Variants in ADAMTS14 observed in about 807,000 individuals in gnomAD.
ADAMTS14 encodes the protein ADAM metallopeptidase with thrombospondin type 1 motif 14, also known as A disintegrin and metalloproteinase with thrombospondin motifs 14.
Under a neutral mutation model 128.6 loss-of-function variants are expected in ADAMTS14, and 100 were observed. The observed-to-expected ratio is 0.78, with a 90% confidence interval of 0.66 to 0.92. The LOEUF is 0.92. ADAMTS14 is among the 40% of genes least tolerant of loss of function. The probability of loss-of-function intolerance (pLI) is 0.00; values close to 1 mark genes in which losing one functional copy is unlikely to be tolerated. For missense variants in ADAMTS14, 1,562 were observed against 1,658.6 expected (o/e 0.94, Z 1.01); for synonymous variants, 665 against 653.8 (o/e 1.02, Z -0.26).
At chr10:70,741,554 G>A (rs10823608) in intron 12 of ADAMTS14, among the ~76,000 whole-genome samples, 67,316 of 152,054 alleles carry the variant, frequency 0.44, 15,687 homozygotes, top group East Asian at 0.7. Context: ...AGGTGCAGGC[G>A]CCCTTCCCGT....
At chr10:70,693,988 A>G (rs1235111620) in intron 2 of ADAMTS14, among the ~76,000 whole-genome samples, 1 of 152,228 alleles carries the variant, frequency 6.6e-6, no homozygotes, top group Non-Finnish European at 1.5e-5. Flanking sequence ...CCCATCCTCC[A>G]AGAGCTCCTT....
At position 70,672,859 on chromosome 10, in the gene ADAMTS14, C is replaced by T. The variant is rs759323303; in HGVS notation, c.57C>T (p.Cys19=). 14 of 1,504,032 alleles carry T rather than the reference C, an allele frequency of 9.3e-6. 1 individual carries two copies. The South Asian group carries it at 1.5e-4, about 16-fold the overall frequency. 93.2% of individuals were successfully genotyped at this position (1,504,032 alleles called of 1,614,324 possible). The change falls in exon 1 of 22, where the codon TGC becomes TGT. Residue 19 remains cysteine (C), a synonymous_variant. Transcript: ENST00000373207. ...TGCTGCCTTTGCACTGTGCGCTCTG[C>T]GCCGCCGCGGGCAGCCGGACCCCAG... ...SYLLPLHCAL[C]AAAGSRTPEL...
At chr10:70,718,478 C>T (rs572537226) in intron 4 of ADAMTS14, among the ~76,000 whole-genome samples, 13 of 150,836 alleles carry the variant, frequency 8.6e-5, no homozygotes, top group South Asian at 2.1e-4. Context: ...ACCTCCGTCT[C>T]GCAGGTTCAA....
chr10:70,734,114 C>A lies in ADAMTS14; in HGVS notation c.1352+86C>A. The A allele has an allele frequency of 2.6e-6, 4 of 1,532,688 alleles. No homozygotes were observed. In the South Asian group the frequency reaches 4.9e-5, roughly 19 times the overall value. The allele number at this position is 1,532,688 out of a possible 1,614,324, so 94.9% of individuals were successfully genotyped here. A position where few individuals can be genotyped will look rare whatever the true frequency, so the allele number is the denominator to read the frequency against. On this transcript the variant is annotated intron_variant, in intron 8 of 21. Coordinates refer to ENST00000373207, the MANE Select transcript of ADAMTS14 (RefSeq NM_080722.4). ...GACATCACACAGCTGGCTGGCTTCCCCACGTTGCCCCTGGCTTGACTCTTC... is the reference window on the plus strand; with the variant it reads ...GACATCACACAGCTGGCTGGCTTCCACACGTTGCCCCTGGCTTGACTCTTC...
chr10:70,710,791 C>T (rs1329089309), intron 4 of ADAMTS14, among the ~76,000 whole-genome samples: 5 of 152,176 alleles, frequency 3.3e-5, no homozygotes, highest in African/African-American at 7.2e-5. Context: ...GCAGAGCATG[C>T]GCTGTCAGTG....
intron 3 of ADAMTS14, among the ~76,000 whole-genome samples, chr10:70,702,673 G>A (rs1262350590): frequency 6.6e-6 from 1 of 152,208 alleles, no homozygotes; most frequent in Non-Finnish European, 1.5e-5. Context: ...AGGGGCCAGA[G>A]GAGTCACTTG....
chr10:70,701,710 C>T (rs1399146201), intron 2 of ADAMTS14, among the ~76,000 whole-genome samples: 2 of 152,146 alleles, frequency 1.3e-5, no homozygotes, highest in Non-Finnish European at 2.9e-5. Flanking sequence ...AGATTAAAAA[C>T]ATGCATTCCT....
rs747290037 is a variant in ADAMTS14, at chr10:70,758,221, G to A, written c.3114G>A (p.Gly1038=). The change falls in exon 21 of 22, where the codon GGG becomes GGA. Residue 1038 remains glycine, a synonymous_variant. Transcript: ENST00000373207. ...STVRADVWEL[G]TPEGQWVPQS... ...TGAGGGCCGATGTCTGGGAACTTGGGACGCCAGAGGGGCAGTGGGTGCCAC... is the reference window on the plus strand; with the variant it reads ...TGAGGGCCGATGTCTGGGAACTTGGAACGCCAGAGGGGCAGTGGGTGCCAC... 8.7e-6 allele frequency: 14 copies of A among 1,614,224 alleles called. No individual in the cohort carries two copies. The South Asian group carries it at 1.3e-4, about 15-fold the overall frequency.
chr10:70,679,792 C>A (rs934034066), intron 2 of ADAMTS14, among the ~76,000 whole-genome samples: 5 of 152,244 alleles, frequency 3.3e-5, no homozygotes, highest in African/African-American at 1.2e-4. Flanking sequence ...GCAGATCTTG[C>A]ATTTTTGATG....
chr10:70,673,447 GA>G (rs34821335), intron 1 of ADAMTS14, among the ~76,000 whole-genome samples: 31,030 of 152,048 alleles, frequency 0.2, 3,774 homozygotes, highest in South Asian at 0.29. Flanking sequence ...ATACAGACCA[GA>G]TACACTCCAC....
intron 1 of ADAMTS14, among the ~76,000 whole-genome samples, chr10:70,673,851 G>C (rs540861902): frequency 2.0e-5 from 3 of 152,216 alleles, no homozygotes; most frequent in Non-Finnish European, 4.4e-5. Context: ...GTGGCCTGGA[G>C]CATGGGGCCA....
intron 2 of ADAMTS14, among the ~76,000 whole-genome samples, chr10:70,676,041 T>G (rs1163511594): frequency 6.6e-6 from 1 of 152,176 alleles, no homozygotes; most frequent in African/African-American, 2.4e-5. Flanking sequence ...GCTGCCTCTG[T>G]CTAGGCCAGT....
intron 8 of ADAMTS14, among the ~76,000 whole-genome samples, chr10:70,734,821 C>T (rs1336271720): frequency 6.6e-6 from 1 of 152,188 alleles, no homozygotes; most frequent in Non-Finnish European, 1.5e-5. Context: ...AGAGTGAGTC[C>T]TCAAACTGTC....
In ADAMTS14 at chr10:70,730,127, A is replaced by C; in HGVS notation, c.980A>C (p.Asn327Thr). ...TCCCTGAGCCTGATCGAGCGCGGGA[A>C]CCCCTCACGCAGCCTGGAGCAGGTG... ...RQSLSLIERG[N>T]PSRSLEQVCR... Residue 327 changes from asparagine to threonine, a missense_variant, in exon 6 of 22, where the codon AAC becomes ACC. Coordinates refer to ENST00000373207, the MANE Select transcript of ADAMTS14 (RefSeq NM_080722.4). 6.2e-7 allele frequency: 1 copy of C among 1,608,788 alleles called. No homozygotes were observed. Among genetic ancestry groups the C allele is most frequent in the Non-Finnish European group, 8.5e-7 (1 of 1,179,234 alleles).
rs759207267 is a variant in ADAMTS14, at chr10:70,730,110, C to A, written c.963C>A (p.Ser321Arg). The stretch of plus-strand genomic sequence containing the variant: ...TCTCCCGGCCCCTGCAGTCCCTGAG[C>A]CTGATCGAGCGCGGGAACCCCTCAC... ...LIMVGYRQSLSLIERGNPSRS... is the reference protein window; with the variant it reads ...LIMVGYRQSLRLIERGNPSRS... Residue 321 changes from serine (S) to arginine (R), a missense_variant, in exon 6 of 22, where the codon AGC becomes AGA. Ser to Arg is a moderately radical substitution (Grantham distance 110). Transcript: ENST00000373207. The A allele has an allele frequency of 6.2e-7, 1 of 1,603,892 alleles. No individual in the cohort carries two copies. Among genetic ancestry groups the A allele is most frequent in the South Asian group, 1.1e-5 (1 of 90,786 alleles).
At chr10:70,750,892 A>G (rs1271797381) in intron 16 of ADAMTS14, among the ~76,000 whole-genome samples, 1 of 152,090 alleles carries the variant, frequency 6.6e-6, no homozygotes, top group Non-Finnish European at 1.5e-5. Context: ...AAACCATACA[A>G]CTCTTAGAAA....
In ADAMTS14 at chr10:70,760,729, C is replaced by T; in HGVS notation, c.3548C>T (p.Thr1183Ile). The T allele has an allele frequency of 1.9e-6, 3 of 1,614,038 alleles. No homozygotes were observed. Among genetic ancestry groups the T allele is most frequent in the African/African-American group, 1.3e-5 (1 of 75,066 alleles). Reference sequence around the variant, plus strand: ...GCATCCTGGAGCATCTCCCCTACCACCCCCGGGGGGCTGCCTTGGGGCTGG... The same window carrying T: ...GCATCCTGGAGCATCTCCCCTACCATCCCCGGGGGGCTGCCTTGGGGCTGG... ...PGASWSISPTTPGGLPWGWTQ... is the reference protein window; with the variant it reads ...PGASWSISPTIPGGLPWGWTQ... The change falls in exon 22 of 22, where the codon ACC becomes ATC. Residue 1183 changes from threonine (T) to isoleucine (I), a missense_variant. Physicochemically the swap from Thr to Ile is moderately conservative, Grantham distance 89 (BLOSUM62 -1). Coordinates refer to ENST00000373207, the MANE Select transcript of ADAMTS14 (RefSeq NM_080722.4).
rs976715628 is a variant in ADAMTS14, at chr10:70,695,929, A to G, written c.523-6383A>G. Among the ~76,000 whole-genome samples the G allele has an allele frequency of 6.6e-5, 10 of 152,188 alleles. No individual in the cohort carries two copies. The South Asian group carries it at 8.3e-4, about 13-fold the overall frequency. On this transcript the variant is annotated intron_variant, in intron 2 of 21. Transcript: ENST00000373207. The stretch of plus-strand genomic sequence containing the variant: ...CAGGACAAAGAAGTGATTGCTGGCT[A>G]TGGCCATGTTGTGGTCACAGGTAAG...
In ADAMTS14 at chr10:70,733,738, A is replaced by G. The variant is rs572490419; in HGVS notation, c.1209-147A>G. 8.9e-6 allele frequency: 9 copies of G among 1,007,584 alleles called. No individual in the cohort carries two copies. The South Asian group carries it at 1.2e-4, about 14-fold the overall frequency. The allele number at this position is 1,007,584 out of a possible 1,614,324, so 62.4% of individuals were successfully genotyped here. A position where few individuals can be genotyped will look rare whatever the true frequency, so the allele number is the denominator to read the frequency against. On this transcript the variant is annotated intron_variant, in intron 7 of 21. Transcript: ENST00000373207. ...CTTGGAGAGAAGATTGGTCCTCCCCACTACGTGGTTGGAAAACTGAGGCCA... is the reference window on the plus strand; with the variant it reads ...CTTGGAGAGAAGATTGGTCCTCCCCGCTACGTGGTTGGAAAACTGAGGCCA...
Sources: gnomAD v4.1 joint callset for allele counts (sites outside exome capture counted in the v4.1 genomes callset) on GRCh38, gnomAD v4.1.1 for gene constraint, MANE v1.5 for transcripts, NCBI Gene and HGNC (gene_info 2026-07-23, HGNC 2026-07-21) for gene names.